TTC28: variants seen among roughly 807,000 people sequenced by gnomAD.
TTC28 encodes the protein tetratricopeptide repeat protein 28.
In TTC28, 61 loss-of-function variants were observed where a neutral mutation model predicts 198.0. That is an observed-to-expected ratio of 0.31 (90% CI 0.25 to 0.38). TTC28 has a LOEUF of 0.38. TTC28 is among the 10% of genes least tolerant of loss of function. The probability of loss-of-function intolerance (pLI) is 1.00; values close to 1 mark genes in which losing one functional copy is unlikely to be tolerated. For synonymous variants in TTC28, 1,171 were observed against 1,297.8 expected (o/e 0.90, Z 2.10); for missense variants, 2,678 against 3,164.0 (o/e 0.85, Z 3.69).
chr22:28,069,105 G>A (rs1486718987), intron 12 of TTC28, among the ~76,000 whole-genome samples: 1 of 152,172 alleles, frequency 6.6e-6, no homozygotes, highest in Non-Finnish European at 1.5e-5. Flanking sequence ...GACAGCAAAA[G>A]TCTGGAAAGG....
chr22:27,999,416 T>A (rs1235789126), intron 15 of TTC28, 156 bp from the exon 16 acceptor site: 1 of 1,149,582 alleles, frequency 8.7e-7, no homozygotes, highest in Admixed American at 2.9e-5. Flanking sequence ...TTTTTCAACA[T>A]CTTTTTGACA....
intron 2 of TTC28, among the ~76,000 whole-genome samples, chr22:28,398,190 G>A (rs868565248): frequency 2.2e-4 from 34 of 152,296 alleles, no homozygotes; most frequent in Non-Finnish European, 3.7e-4. Context: ...GTCATCCTGA[G>A]AACTATGGAG....
chr22:28,157,495 C>T (rs183706746), intron 6 of TTC28, among the ~76,000 whole-genome samples: 5 of 152,168 alleles, frequency 3.3e-5, no homozygotes, highest in East Asian at 1.9e-4. Flanking sequence ...AACTACAGGC[C>T]GATATCCCTG....
chr22:28,361,932 G>A (rs186250145), intron 2 of TTC28, among the ~76,000 whole-genome samples: 7 of 152,234 alleles, frequency 4.6e-5, no homozygotes, highest in East Asian at 3.9e-4. Context: ...ATAGTTTACC[G>A]AATATTTTAA....
chr22:28,621,005 T>C (rs1292651729), intron 2 of TTC28, among the ~76,000 whole-genome samples: 1 of 152,240 alleles, frequency 6.6e-6, no homozygotes, highest in Non-Finnish European at 1.5e-5. Flanking sequence ...GAACCCATTT[T>C]TCTTTAGTTG....
chr22:28,312,033 G>C (rs1464499875), intron 2 of TTC28, among the ~76,000 whole-genome samples: 1 of 115,030 alleles, frequency 8.7e-6, no homozygotes, highest in African/African-American at 3.3e-5. Context: ...CAAATAGAAA[G>C]CAAAAAAAAA....
At chr22:28,573,044 C>A (rs1056218369) in intron 2 of TTC28, among the ~76,000 whole-genome samples, 8 of 151,568 alleles carry the variant, frequency 5.3e-5, no homozygotes, top group African/African-American at 1.9e-4. Context: ...ATCACTTGAG[C>A]CTGGGAGGTC....
chr22:28,348,771 C>T (rs761691384), intron 2 of TTC28, among the ~76,000 whole-genome samples: 1 of 152,218 alleles, frequency 6.6e-6, no homozygotes, highest in Non-Finnish European at 1.5e-5. Context: ...AATGAAATGT[C>T]AGGCTCTTTA....
At chr22:28,414,067 T>C (rs1172930555) in intron 2 of TTC28, among the ~76,000 whole-genome samples, 1 of 152,256 alleles carries the variant, frequency 6.6e-6, no homozygotes, top group Non-Finnish European at 1.5e-5. Context: ...TTTTCACCTA[T>C]TTCTGTCAAT....
intron 2 of TTC28, among the ~76,000 whole-genome samples, chr22:28,515,467 A>G (rs563343963): frequency 2.0e-5 from 3 of 152,358 alleles, no homozygotes; most frequent in East Asian, 3.9e-4. Context: ...AAATTAAAAG[A>G]TATTGCAGAA....
chr22:28,202,189 G>A (rs989660950), intron 5 of TTC28, among the ~76,000 whole-genome samples: 14 of 152,038 alleles, frequency 9.2e-5, no homozygotes, highest in Admixed American at 4.6e-4. Context: ...ATCGTACTGC[G>A]TTTGAGTAGA....
At chr22:28,363,805 T>C (rs952795213) in intron 2 of TTC28, among the ~76,000 whole-genome samples, 1 of 152,214 alleles carries the variant, frequency 6.6e-6, no homozygotes, top group African/African-American at 2.4e-5. Context: ...ATTTCAGACT[T>C]GTATGGGGCC....
At chr22:28,265,889 T>G (rs575852367) in intron 5 of TTC28, among the ~76,000 whole-genome samples, 1 of 152,256 alleles carries the variant, frequency 6.6e-6, no homozygotes, top group East Asian at 1.9e-4. Flanking sequence ...CTTATTACAA[T>G]TATTTTAAAA....
chr22:27,998,884 C>T lies in TTC28; in HGVS notation c.4775G>A (p.Gly1592Glu), dbSNP rs1379112836. The T allele has an allele frequency of 6.5e-7, 1 of 1,550,334 alleles. No individual in the cohort carries two copies. Among genetic ancestry groups the T allele is most frequent in the East Asian group, 2.4e-5 (1 of 40,912 alleles). Residue 1592 changes from glycine to glutamate, a missense_variant, in exon 16 of 23, where the codon GGG becomes GAG. Gly to Glu is a moderately conservative substitution (Grantham distance 98). This residue lies in a region of TTC28 where 727 missense variants were observed against 861.9 expected (regional missense o/e 0.84). Transcript: ENST00000397906. ...SLRVQDDASDGESISDCPPLQ... is the reference protein window; with the variant it reads ...SLRVQDDASDEESISDCPPLQ... ...GGGCGGGCAGTCCGAGATGCTCTCCCCATCACTGGCATCGTCCTGCACCCG... is the reference window on the plus strand; with the variant it reads ...GGGCGGGCAGTCCGAGATGCTCTCCTCATCACTGGCATCGTCCTGCACCCG...
At chr22:28,409,853 T>C (rs1186917923) in intron 2 of TTC28, among the ~76,000 whole-genome samples, 1 of 151,832 alleles carries the variant, frequency 6.6e-6, no homozygotes, top group East Asian at 1.9e-4. Context: ...AGATGGGGCT[T>C]CACCATGTTG....
intron 2 of TTC28, among the ~76,000 whole-genome samples, chr22:28,554,628 T>G (rs1252717986): frequency 1.3e-5 from 2 of 152,134 alleles, no homozygotes; most frequent in African/African-American, 2.4e-5. Flanking sequence ...CCCAGCACTT[T>G]GGGAGGCTGA....
chr22:28,395,593 C>T (rs1412783527), intron 2 of TTC28, among the ~76,000 whole-genome samples: 6 of 143,264 alleles, frequency 4.2e-5, no homozygotes, highest in African/African-American at 8.0e-5. Context: ...CCAGCCTGGG[C>T]GACAGAGCAA....
intron 2 of TTC28, among the ~76,000 whole-genome samples, chr22:28,554,273 G>C (rs2049751917): frequency 6.6e-6 from 1 of 150,570 alleles, no homozygotes; most frequent in African/African-American, 2.4e-5. Context: ...GAAAACCAGA[G>C]ACCTTTGTTC....
At position 28,395,110 on chromosome 22, in the gene TTC28, T is replaced by G. The variant is rs115025882; in HGVS notation, c.382-88467A>C. On this transcript the variant is annotated intron_variant, in intron 2 of 22. Transcript: ENST00000397906. ...AAAAATCTGGAGATCAAAAGTACATTGTACTGTATGTCTAACCAGGCCTGA... is the reference window on the plus strand; with the variant it reads ...AAAAATCTGGAGATCAAAAGTACATGGTACTGTATGTCTAACCAGGCCTGA... Among the ~76,000 whole-genome samples, 333 of 152,332 alleles carry G rather than the reference T, an allele frequency of 2.2e-3. 2 individuals are homozygous for G. The highest frequency in any genetic ancestry group is 7.8e-3 in the African/African-American group (324 of 41,566).
Sources: allele counts gnomAD v4.1 joint callset (sites outside exome capture counted in the v4.1 genomes callset), GRCh38; gene constraint gnomAD v4.1.1; regional missense constraint gnomAD v4.1.1; transcripts MANE v1.5; gene names NCBI Gene and HGNC (gene_info 2026-07-23, HGNC 2026-07-21).